OTOA: variants seen among roughly 807,000 people sequenced by gnomAD.
OTOA encodes cancer/testis antigen 108.
Under a neutral mutation model 110.8 loss-of-function variants are expected in OTOA, and 70 were observed. The observed-to-expected ratio is 0.63, with a 90% CI of 0.52 to 0.77. The LOEUF (loss-of-function observed/expected upper bound fraction) is 0.77, where lower values mean the gene tolerates loss of function less well. OTOA is among the 30% of genes least tolerant of loss of function. The pLI is 0.00. For missense variants in OTOA, 917 were observed against 1,075.8 expected (o/e 0.85, Z 2.06); for synonymous variants, 373 against 431.5 (o/e 0.86, Z 1.68).
At chr16:21,704,982 C>T (rs1898128807) in intron 11 of OTOA, 187 bp from the exon 12 acceptor site, 1 of 919,902 alleles carries the variant, frequency 1.1e-6, no homozygotes, top group African/African-American at 1.6e-5. Flanking sequence ...TTGGTCTCGT[C>T]TGAGCAGTTA....
chr16:21,682,214 A>C (rs1418774906), intron 6 of OTOA, among the ~76,000 whole-genome samples: 1 of 152,118 alleles, frequency 6.6e-6, no homozygotes, highest in Non-Finnish European at 1.5e-5. Flanking sequence ...TTGCTTTGTC[A>C]TCTCCTGGGG....
intron 21 of OTOA, among the ~76,000 whole-genome samples, chr16:21,731,380 G>A (rs1899112172): frequency 6.6e-6 from 1 of 152,214 alleles, no homozygotes; most frequent in South Asian, 2.1e-4. Context: ...CCAGAAGTTA[G>A]ACAGTCTAGA....
At position 21,679,083 on chromosome 16, in the gene OTOA, A is replaced by G. The variant is rs1039940867; in HGVS notation, c.151+17A>G. ...ATCTGAATGGTAATGTGCCCCCTTG[A>G]TCTCCACTTGCTTCTTCTAAGAATT... On this transcript the variant is annotated intron_variant, in intron 4 of 28. Transcript: ENST00000646100. 9.9e-6 allele frequency: 16 copies of G among 1,613,842 alleles called. No individual in the cohort carries two copies. Among genetic ancestry groups the G allele is most frequent in the Non-Finnish European group, 1.4e-5 (16 of 1,179,828 alleles).
At chr16:21,702,497 C>G (rs1898073031) in intron 11 of OTOA, among the ~76,000 whole-genome samples, 1 of 152,124 alleles carries the variant, frequency 6.6e-6, no homozygotes, top group South Asian at 2.1e-4. Flanking sequence ...GACTTCGTGG[C>G]TTAATCCTTC....
rs191111785 is a variant in OTOA at position 21,703,028 on chromosome 16, G to A, written c.980+2001G>A. On this transcript the variant is annotated intron_variant, in intron 11 of 28. Transcript: ENST00000646100. ...ATTGATAAATAAAAATTATATCTAT[G>A]GTGTGCAACATGTTTTGAGATATAT... 1.1e-4 allele frequency among the ~76,000 whole-genome samples: 17 copies of A among 152,080 alleles called. No homozygotes were observed. In the East Asian group the frequency reaches 1.5e-3, roughly 14 times the overall value.
At chr16:21,707,876 C>T (rs953186568) in intron 12 of OTOA, among the ~76,000 whole-genome samples, 1 of 149,192 alleles carries the variant, frequency 6.7e-6, no homozygotes, top group Non-Finnish European at 1.5e-5. Flanking sequence ...CTCACTGCAA[C>T]CTCTGCCTCC....
At position 21,724,653 on chromosome 16, in the gene OTOA, C is replaced by T. The variant is rs527360381; in HGVS notation, c.1880+1675C>T. Reference sequence around the variant, plus strand: ...TAACCCAGATCTTGGCATGGCACTTCTACCACTCATTCATGTCTCAGCTCA... The same window carrying T: ...TAACCCAGATCTTGGCATGGCACTTTTACCACTCATTCATGTCTCAGCTCA... On this transcript the variant is annotated intron_variant, in intron 18 of 28. Transcript: ENST00000646100. 6.6e-4 allele frequency among the ~76,000 whole-genome samples: 101 copies of T among 152,248 alleles called. 1 individual carries two copies. Among genetic ancestry groups the T allele is most frequent in the Middle Eastern group, 6.8e-3 (2 of 294 alleles).
chr16:21,714,239 CCTTTCTTTCTTTTTT>C (rs1351999820), intron 13 of OTOA, among the ~76,000 whole-genome samples: 1 of 131,238 alleles, frequency 7.6e-6, no homozygotes, highest in Admixed American at 8.1e-5. Context: ...TTCTTTCTTT[CCTTTCTTTCTTTTTT>C]CTTTCTTTCT....
chr16:21,704,139 A>G (rs1436142646), intron 11 of OTOA, among the ~76,000 whole-genome samples: 1 of 152,158 alleles, frequency 6.6e-6, no homozygotes, highest in African/African-American at 2.4e-5. Flanking sequence ...CATTGCTCTC[A>G]GTTATACCAG....
At chr16:21,724,047 T>C (rs1300134115) in intron 18 of OTOA, among the ~76,000 whole-genome samples, 1 of 152,124 alleles carries the variant, frequency 6.6e-6, no homozygotes, top group African/African-American at 2.4e-5. Context: ...GAGATGGTTC[T>C]CCAAGAAAAA....
At chr16:21,675,075 TTCTTTCTTTCTTTCTTTC>T (rs1031605788) in intron 1 of OTOA, among the ~76,000 whole-genome samples, 2 of 89,660 alleles carry the variant, frequency 2.2e-5, no homozygotes, top group Non-Finnish European at 4.4e-5. Flanking sequence ...CTTTCTTTCT[TTCTTTCTTTCTTTCTTTC>T]TTTCTTTCTT....
At chr16:21,759,156 G>A (rs1320348873) in intron 28 of OTOA, among the ~76,000 whole-genome samples, 3 of 152,148 alleles carry the variant, frequency 2.0e-5, no homozygotes, top group Non-Finnish European at 2.9e-5. Flanking sequence ...TGCAAGGCAT[G>A]TGGTGAAATC....
At chr16:21,703,528 C>T (rs149347899) in intron 11 of OTOA, among the ~76,000 whole-genome samples, 38 of 152,252 alleles carry the variant, frequency 2.5e-4, no homozygotes, top group African/African-American at 8.7e-4. Flanking sequence ...CATCCACTGA[C>T]GTGTTGGACA....
intron 17 of OTOA, among the ~76,000 whole-genome samples, chr16:21,720,477 A>G (rs1490044716): frequency 1.3e-5 from 2 of 152,248 alleles, no homozygotes; most frequent in Non-Finnish European, 2.9e-5. Flanking sequence ...CTTCAAGATC[A>G]TTACAGGAAT....
intron 27 of OTOA, among the ~76,000 whole-genome samples, chr16:21,755,469 TGTGTG>T: frequency 9.1e-6 from 1 of 109,372 alleles, no homozygotes; most frequent in African/African-American, 3.3e-5. Context: ...TGTGTGTGTG[TGTGTG>T]TGTGTGTGTG....
intron 23 of OTOA, among the ~76,000 whole-genome samples, chr16:21,743,845 A>G (rs1410653355): frequency 8.5e-6 from 1 of 117,982 alleles, no homozygotes; most frequent in African/African-American, 2.9e-5. Context: ...GATTTAAAAG[A>G]GAGCTTTATA....
chr16:21,739,803 AC>A (rs1899492161), intron 22 of OTOA, among the ~76,000 whole-genome samples: 1 of 116,184 alleles, frequency 8.6e-6, no homozygotes, highest in African/African-American at 3.1e-5. Flanking sequence ...GAAAGCCACA[AC>A]CCCCACTATG....
intron 17 of OTOA, chr16:21,721,384 C>A (rs1401699603): frequency 2.2e-6 from 1 of 455,126 alleles, no homozygotes; most frequent in East Asian, 7.0e-5. Flanking sequence ...GCCATGTCTG[C>A]AAACATTTTT....
intron 1 of OTOA, among the ~76,000 whole-genome samples, chr16:21,677,863 A>G (rs1021275907): frequency 6.6e-6 from 1 of 150,584 alleles, no homozygotes; most frequent in Non-Finnish European, 1.5e-5. Flanking sequence ...TGTATTCTGG[A>G]TATAAATTTC....
Sources: allele counts gnomAD v4.1 joint callset (sites outside exome capture counted in the v4.1 genomes callset), GRCh38; gene constraint gnomAD v4.1.1; transcripts MANE v1.5; gene names NCBI Gene and HGNC (gene_info 2026-07-23, HGNC 2026-07-21).